The following ZNF609 variants were observed in gnomAD, a reference collection of about 807,000 sequenced individuals.
ZNF609 encodes the protein zinc finger protein 609.
A neutral mutation model predicts 109.5 loss-of-function variants in ZNF609; 11 were observed. The observed-to-expected ratio is 0.10, with a 90% CI of 0.06 to 0.17. The LOEUF (loss-of-function observed/expected upper bound fraction) is 0.17, where lower values mean the gene tolerates loss of function less well. ZNF609 is among the 10% of genes least tolerant of loss of function. The pLI, the probability that ZNF609 is intolerant of heterozygous loss-of-function variation, is 1.00. For synonymous variants in ZNF609, 646 were observed against 662.0 expected (o/e 0.98, Z 0.37); for missense variants, 1,559 against 1,772.4 (o/e 0.88, Z 2.16).
intron 3 of ZNF609, among the ~76,000 whole-genome samples, chr15:64,644,695 A>G (rs1302902834): frequency 1.3e-5 from 2 of 152,198 alleles, no homozygotes; most frequent in South Asian, 2.1e-4. Context: ...TGTAAGTCCA[A>G]AGTGGATACT....
rs1230303282 is a variant in ZNF609, at chr15:64,673,916, G to T, written c.1062G>T (p.Arg354Ser). The T allele has an allele frequency of 6.2e-7, 1 of 1,609,452 alleles. No individual in the cohort carries two copies. The highest frequency in any genetic ancestry group is 8.5e-7 in the Non-Finnish European group (1 of 1,176,884). ...DCTRHDWAPP[R>S]FCDSPTSDLE... ...TCTGTTGTGTTTATCCTTTGCCAAG[G>T]TTCTGTGACTCCCCGACCAGTGACC... The change falls in exon 5 of 10, where the codon AGG becomes AGT. Residue 354 changes from arginine (R) to serine (S), a missense_variant and splice_region_variant. Physicochemically the swap from Arg to Ser is moderately radical, Grantham distance 110 (BLOSUM62 -1). Around this residue, in one of 4 missense-constraint regions of ZNF609, gnomAD observed 38 missense variants for 82.1 expected, o/e 0.46. Coordinates refer to ENST00000326648, the MANE Select transcript of ZNF609 (RefSeq NM_015042.2).
chr15:64,574,758 C>T (rs1195140316), intron 2 of ZNF609, among the ~76,000 whole-genome samples: 1 of 152,162 alleles, frequency 6.6e-6, no homozygotes, highest in Non-Finnish European at 1.5e-5. Context: ...TCATTAATTG[C>T]TTAGCAGTTG....
At chr15:64,633,249 G>A (rs1358338499) in intron 3 of ZNF609, among the ~76,000 whole-genome samples, 1 of 151,948 alleles carries the variant, frequency 6.6e-6, no homozygotes, top group Admixed American at 6.6e-5. Context: ...CCAGGCTCAA[G>A]TAATCCTCCC....
At chr15:64,618,725 A>ATGTGCTCTTCCGCCACG (rs1269113580) in intron 2 of ZNF609, among the ~76,000 whole-genome samples, 1 of 151,856 alleles carries the variant, frequency 6.6e-6, no homozygotes, top group Non-Finnish European at 1.5e-5. Context: ...GGCATTTGTC[A>ATGTGCTCTTCCGCCACG]TGTGCTCTTC....
chr15:64,476,181 G>C (rs1436427975), intron 1 of ZNF609, among the ~76,000 whole-genome samples: 2 of 152,032 alleles, frequency 1.3e-5, no homozygotes, highest in Non-Finnish European at 2.9e-5. Flanking sequence ...GGCCATCTGG[G>C]TGTGGTTGAC....
At chr15:64,539,883 C>T (rs913818954) in intron 2 of ZNF609, among the ~76,000 whole-genome samples, 1 of 151,490 alleles carries the variant, frequency 6.6e-6, no homozygotes, top group Non-Finnish European at 1.5e-5. Flanking sequence ...ATGATCAGCC[C>T]GCCCTGGCCT....
chr15:64,608,868 A>T (rs1895658099), intron 2 of ZNF609, among the ~76,000 whole-genome samples: 1 of 151,852 alleles, frequency 6.6e-6, no homozygotes, highest in Non-Finnish European at 1.5e-5. Context: ...CCTCCTAAGT[A>T]GCTGGGACAA....
chr15:64,590,179 G>T (rs186897070), intron 2 of ZNF609, among the ~76,000 whole-genome samples: 2 of 152,088 alleles, frequency 1.3e-5, no homozygotes, highest in Non-Finnish European at 2.9e-5. Flanking sequence ...GCCTTTTATT[G>T]TCCTGGTTTA....
intron 2 of ZNF609, among the ~76,000 whole-genome samples, chr15:64,577,843 G>A (rs920862934): frequency 6.6e-6 from 1 of 151,174 alleles, no homozygotes; most frequent in Non-Finnish European, 1.5e-5. Flanking sequence ...TGGGCAACAA[G>A]AGCGAAACTC....
intron 3 of ZNF609, among the ~76,000 whole-genome samples, chr15:64,625,936 T>TA (rs1307358546): frequency 1.3e-5 from 1 of 79,594 alleles, no homozygotes; most frequent in South Asian, 5.6e-4. Context: ...TATATATATA[T>TA]AGAGAGAGAG....
chr15:64,621,850 T>C (rs1299399008), intron 2 of ZNF609, among the ~76,000 whole-genome samples: 2 of 151,274 alleles, frequency 1.3e-5, no homozygotes, highest in African/African-American at 4.9e-5. Context: ...CTCAGCCTCC[T>C]GGATAGCTGG....
intron 2 of ZNF609, among the ~76,000 whole-genome samples, chr15:64,531,869 A>G (rs192862243): frequency 8.5e-5 from 13 of 152,274 alleles, no homozygotes; most frequent in African/African-American, 2.9e-4. Flanking sequence ...TTGCTTCCAT[A>G]TAGTCTGTTC....
At chr15:64,465,905 C>T (rs376712890) in intron 1 of ZNF609, among the ~76,000 whole-genome samples, 1 of 151,608 alleles carries the variant, frequency 6.6e-6, no homozygotes, top group Non-Finnish European at 1.5e-5. Context: ...CACCTGAGGT[C>T]AGGAGTTTGA....
intron 2 of ZNF609, among the ~76,000 whole-genome samples, chr15:64,505,754 G>A (rs1386937431): frequency 1.3e-5 from 2 of 152,132 alleles, no homozygotes; most frequent in African/African-American, 4.8e-5. Flanking sequence ...ATCAAAGTTT[G>A]AGAATTTTCC....
intron 2 of ZNF609, among the ~76,000 whole-genome samples, chr15:64,552,919 A>G (rs1448685988): frequency 6.6e-6 from 1 of 151,980 alleles, no homozygotes; most frequent in Admixed American, 6.6e-5. Context: ...GAGTGCTGGG[A>G]TTACAGGGCA....
chr15:64,586,403 A>G (rs973037739), intron 2 of ZNF609, among the ~76,000 whole-genome samples: 1 of 152,044 alleles, frequency 6.6e-6, no homozygotes, highest in African/African-American at 2.4e-5. Flanking sequence ...TGATAGCTGC[A>G]GACTGGTACT....
intron 3 of ZNF609, among the ~76,000 whole-genome samples, chr15:64,661,721 A>G (rs1037877613): frequency 1.3e-5 from 2 of 152,194 alleles, no homozygotes; most frequent in African/African-American, 4.8e-5. Flanking sequence ...AGCACATTCC[A>G]TAAAGTTGGC....
At chr15:64,588,436 A>AG (rs1895236088) in intron 2 of ZNF609, among the ~76,000 whole-genome samples, 1 of 138,706 alleles carries the variant, frequency 7.2e-6, no homozygotes, top group African/African-American at 2.8e-5. Context: ...TAAAAAAAAA[A>AG]AAAAAAAAGA....
At chr15:64,525,892 G>A (rs1010296830) in intron 2 of ZNF609, among the ~76,000 whole-genome samples, 7 of 151,514 alleles carry the variant, frequency 4.6e-5, no homozygotes, top group South Asian at 2.1e-4. Flanking sequence ...AGTTTCAAGC[G>A]ATTCTCCTGT....
Sources: allele counts gnomAD v4.1 joint callset (sites outside exome capture counted in the v4.1 genomes callset), GRCh38; gene constraint gnomAD v4.1.1; regional missense constraint gnomAD v4.1.1; transcripts MANE v1.5; gene names NCBI Gene and HGNC (gene_info 2026-07-23, HGNC 2026-07-21).